Variants in C21orf58 observed in about 807,000 individuals in gnomAD.
C21orf58 encodes the protein uncharacterized protein C21orf58.
Under a neutral mutation model 35.8 loss-of-function variants are expected in C21orf58, and 34 were observed. The observed-to-expected ratio is 0.95, with a 90% CI of 0.72 to 1.26. The LOEUF (loss-of-function observed/expected upper bound fraction) is 1.26. Among genes scored for constraint, C21orf58 ranks in the 50% most tolerant of loss-of-function variants. C21orf58 has a pLI of 0.00. For synonymous variants in C21orf58, 191 were observed against 175.8 expected (o/e 1.09, Z -0.68); for missense variants, 440 against 414.3 (o/e 1.06, Z -0.54).
rs897704665 is a variant in C21orf58, at chr21:46,319,641, G to A, written c.101-1421C>T. ...GGGCCAGGTGCGGTGGCTCATGCCTGTAATCCCAGCACTTAGGGAGGCTGA... is the reference window on the plus strand; with the variant it reads ...GGGCCAGGTGCGGTGGCTCATGCCTATAATCCCAGCACTTAGGGAGGCTGA... On this transcript the variant is annotated intron_variant, in intron 1 of 7. Transcript: ENST00000291691. Among the ~76,000 whole-genome samples the A allele has an allele frequency of 2.0e-4, 31 of 152,188 alleles. 1 individual carries two copies. The highest frequency in any genetic ancestry group is 4.4e-5 in the Non-Finnish European group (3 of 68,036).
Position 46,323,602 on chromosome 21 carries a change from C to CGGGTTCCCA in C21orf58, c.-873_-865dup, listed in dbSNP as rs2083249566. 6.5e-6 allele frequency: 1 copy of CGGGTTCCCA among 153,214 alleles called. No individual in the cohort carries two copies. Among genetic ancestry groups the CGGGTTCCCA allele is most frequent in the Non-Finnish European group, 1.5e-5 (1 of 68,594 alleles). 9.5% of individuals were successfully genotyped at this position (153,214 alleles called of 1,614,324 possible). On this transcript the variant is annotated 5_prime_UTR_variant, in exon 1 of 8. Coordinates refer to ENST00000291691, the MANE Select transcript of C21orf58 (RefSeq NM_058180.5). ...GGGCTGGTGGCGTAGGATTTTGTTTCGGGTTCCCAGGGTCCCGGCAAGGGT... is the reference window on the plus strand; with the variant it reads ...GGGCTGGTGGCGTAGGATTTTGTTTCGGGTTCCCAGGGTTCCCAGGGTCCCGGCAAGGGT...
chr21:46,312,102 ACCATCTACCT>A (rs1038933739), intron 5 of C21orf58, among the ~76,000 whole-genome samples: 2 of 151,980 alleles, frequency 1.3e-5, no homozygotes, highest in African/African-American at 4.8e-5. Flanking sequence ...CAACCAGCCA[ACCATCTACCT>A]ACACATCCAT....
intron 1 of C21orf58, chr21:46,318,517 A>G (rs1390981757): frequency 1.9e-5 from 24 of 1,296,054 alleles, no homozygotes; most frequent in Non-Finnish European, 2.3e-5. Context: ...CAGCCTCAGG[A>G]CCCAGTCCAG....
chr21:46,305,147 G>C (rs1191488360), intron 6 of C21orf58, among the ~76,000 whole-genome samples: 1 of 152,154 alleles, frequency 6.6e-6, no homozygotes, highest in East Asian at 1.9e-4. Context: ...AACAGAGGAA[G>C]GTGGTTGCCA....
At position 46,320,247 on chromosome 21, in the gene C21orf58, T is replaced by G. The variant is rs1490079694; in HGVS notation, c.101-2027A>C. The stretch of plus-strand genomic sequence containing the variant: ...CCTCCCGAGTAGCTGGGAGTACAGG[T>G]GCACGCCACCACGCCCAGTTAATCT... On this transcript the variant is annotated intron_variant, in intron 1 of 7. Transcript: ENST00000291691. Among the ~76,000 whole-genome samples the G allele has an allele frequency of 5.3e-5, 8 of 151,910 alleles. No homozygotes were observed. In the East Asian group the frequency reaches 1.4e-3, roughly 26 times the overall value.
At chr21:46,300,921 G>A (rs2082085416), downstream of C21orf58, 7 of 852,934 alleles carry the variant, frequency 8.2e-6, no homozygotes, top group South Asian at 1.2e-4. Context: ...AAATAGTCAA[G>A]GTAGCCTGTC....
intron 6 of C21orf58, among the ~76,000 whole-genome samples, chr21:46,304,994 AAC>A (rs936558219): frequency 1.4e-4 from 22 of 152,366 alleles, no homozygotes; most frequent in Admixed American, 7.8e-4. Flanking sequence ...GGACACAGCG[AAC>A]ACAGTCAGAC....
At chr21:46,317,491 G>C (rs2083016904) in intron 2 of C21orf58, 1 of 712,486 alleles carries the variant, frequency 1.4e-6, no homozygotes, top group Non-Finnish European at 2.3e-6. Context: ...CACAAGTCTA[G>C]GGGCGGATGC....
downstream of C21orf58, chr21:46,301,056 T>C: frequency 1.9e-6 from 2 of 1,034,816 alleles, no homozygotes; most frequent in Non-Finnish European, 2.3e-6. Context: ...CATGTAGAGA[T>C]TTCTGCATTT....
intron 7 of C21orf58, 107 bp downstream of exon 7, chr21:46,302,378 G>A: frequency 9.1e-7 from 1 of 1,098,054 alleles, no homozygotes; most frequent in Non-Finnish European, 1.3e-6. Flanking sequence ...CTGTAGACCT[G>A]AGCCAGGAAT....
intron 6 of C21orf58, among the ~76,000 whole-genome samples, chr21:46,305,927 G>C (rs75232730): frequency 1.3e-5 from 2 of 150,752 alleles, no homozygotes; most frequent in African/African-American, 2.4e-5. Flanking sequence ...GGCAGACAGC[G>C]AGACTCCGTC....
chr21:46,304,131 A>G (rs2082311134), intron 6 of C21orf58, among the ~76,000 whole-genome samples: 3 of 135,176 alleles, frequency 2.2e-5, no homozygotes, highest in Non-Finnish European at 4.6e-5. Flanking sequence ...GGTTCATGCC[A>G]TTCTCCCACC....
At chr21:46,319,779 C>A (rs1037557009) in intron 1 of C21orf58, among the ~76,000 whole-genome samples, 1 of 151,990 alleles carries the variant, frequency 6.6e-6, no homozygotes, top group Non-Finnish European at 1.5e-5. Flanking sequence ...CGCCTGTAAT[C>A]CCAGCTACTC....
At chr21:46,321,170 A>C (rs1345216206) in intron 1 of C21orf58, among the ~76,000 whole-genome samples, 1 of 151,976 alleles carries the variant, frequency 6.6e-6, no homozygotes, top group African/African-American at 2.4e-5. Context: ...TATGTTATAT[A>C]TATATATATT....
Position 46,301,788 on chromosome 21 carries a change from C to T in C21orf58, c.*211G>A, listed in dbSNP as rs968228757. 8 of 1,239,732 alleles carry T rather than the reference C, an allele frequency of 6.5e-6. No individual in the cohort carries two copies. The highest frequency in any genetic ancestry group is 4.7e-5 in the African/African-American group (3 of 64,448). 76.8% of individuals were successfully genotyped at this position (1,239,732 alleles called of 1,614,324 possible). A position where few individuals can be genotyped will look rare whatever the true frequency, so the allele number is the denominator to read the frequency against. On this transcript the variant is annotated 3_prime_UTR_variant, in exon 8 of 8. Coordinates refer to ENST00000291691, the MANE Select transcript of C21orf58 (RefSeq NM_058180.5). Reference sequence around the variant, plus strand: ...CACAGGCCCCTCACTGCAGGGGACCCGGAGCAAGGGATGCCCCCTGGAATG... The same window carrying T: ...CACAGGCCCCTCACTGCAGGGGACCTGGAGCAAGGGATGCCCCCTGGAATG...
At position 46,318,182 on chromosome 21, in the gene C21orf58, T is replaced by C. The variant is rs753746656; in HGVS notation, c.139A>G (p.Thr47Ala). 5.0e-6 allele frequency: 8 copies of C among 1,612,752 alleles called. No individual in the cohort carries two copies. The highest frequency in any genetic ancestry group is 6.8e-6 in the Non-Finnish European group (8 of 1,180,012). The change falls in exon 2 of 8, where the codon ACC (threonine) becomes GCC (alanine). Residue 47 changes from threonine to alanine, a missense_variant. By Grantham distance (58) the Thr-to-Ala change is moderately conservative (BLOSUM62 0). Transcript: ENST00000291691. ...PGGKARPAGN[T>A]GAWAPAEQFF... ...TGCTCAGCAGGAGCCCAAGCACCGG[T>C]GTTGCCTGCAGGGCGGGCCTTACCT...
At chr21:46,304,807 G>A (rs1354864647) in intron 6 of C21orf58, among the ~76,000 whole-genome samples, 2 of 152,176 alleles carry the variant, frequency 1.3e-5, no homozygotes, top group Admixed American at 6.6e-5. Context: ...GAGCGGGGAC[G>A]GAAGCAACCC....
chr21:46,315,120 C>T (rs1048839836), intron 4 of C21orf58: 39 of 1,174,412 alleles, frequency 3.3e-5, no homozygotes, highest in Non-Finnish European at 4.1e-5. Context: ...TCTGTTCTCT[C>T]TTTCAAGCCA....
At position 46,310,802 on chromosome 21, in the gene C21orf58, ACT is replaced by A. The variant is rs199803190; in HGVS notation, c.721+652_721+653del. 1.7e-4 allele frequency among the ~76,000 whole-genome samples: 26 copies of A among 149,238 alleles called. 1 individual carries two copies. Among genetic ancestry groups the A allele is most frequent in the Admixed American group, 2.7e-4 (4 of 14,876 alleles). ...TCCAGCCTGGGCAACAAAGTAAGAC[ACT>A]CTCTCTCTCTCTCTCTAAATAAATA... On this transcript the variant is annotated intron_variant, in intron 6 of 7. Transcript: ENST00000291691.
Sources: gnomAD v4.1 joint callset for allele counts (sites outside exome capture counted in the v4.1 genomes callset) on GRCh38, gnomAD v4.1.1 for gene constraint, MANE v1.5 for transcripts, NCBI Gene and HGNC (gene_info 2026-07-23, HGNC 2026-07-21) for gene names.